The following SIK3 variants were observed in gnomAD, a reference collection of about 807,000 sequenced individuals.
The protein encoded by SIK3 is serine/threonine-protein kinase SIK3.
Under a neutral mutation model 144.2 loss-of-function variants are expected in SIK3, and 28 were observed. The ratio of observed to expected loss-of-function variants is 0.19; its 90% CI spans 0.14 to 0.27. The LOEUF (loss-of-function observed/expected upper bound fraction) is 0.27. Ranked by LOEUF, SIK3 falls within the 10% of genes least tolerant of loss-of-function variation. The probability of loss-of-function intolerance (pLI) is 1.00; values close to 1 mark genes in which losing one functional copy is unlikely to be tolerated. For missense variants in SIK3, 1,319 were observed against 1,776.0 expected (o/e 0.74, Z 4.62); for synonymous variants, 686 against 676.3 (o/e 1.01, Z -0.22).
chr11:117,019,544 G>A (rs1176707757), intron 1 of SIK3, among the ~76,000 whole-genome samples: 1 of 151,844 alleles, frequency 6.6e-6, no homozygotes, highest in Non-Finnish European at 1.5e-5. Context: ...AAACAGTCAC[G>A]GCTCATTAAC....
At chr11:116,976,778 G>C (rs913072747) in intron 1 of SIK3, among the ~76,000 whole-genome samples, 8 of 152,162 alleles carry the variant, frequency 5.3e-5, no homozygotes, top group African/African-American at 1.9e-4. Flanking sequence ...TGTGGTTTAG[G>C]AGAATTTTTT....
chr11:116,881,023 C>T (rs2134611073), intron 6 of SIK3, among the ~76,000 whole-genome samples: 1 of 152,258 alleles, frequency 6.6e-6, no homozygotes, highest in African/African-American at 2.4e-5. Flanking sequence ...ACCCGGGAGG[C>T]TGAGGTAGGA....
chr11:117,029,640 A>C (rs1004484108), intron 1 of SIK3, among the ~76,000 whole-genome samples: 2 of 152,262 alleles, frequency 1.3e-5, no homozygotes, highest in Non-Finnish European at 2.9e-5. Context: ...TTTTGGAAGC[A>C]GAATCTTAAA....
intron 14 of SIK3, among the ~76,000 whole-genome samples, chr11:116,868,637 G>A (rs1943784281): frequency 6.6e-6 from 1 of 152,158 alleles, no homozygotes; most frequent in Non-Finnish European, 1.5e-5. Flanking sequence ...CCTCTCGCTT[G>A]GTGACTATAA....
rs1943861098 is a variant in SIK3, at chr11:116,869,715, G to A, written c.1808+616C>T. ...AGGGCTAACGGAACTGAGGCCAAAT[G>A]AACAGTACAGCATGCCTGATGGTCA... On this transcript the variant is annotated intron_variant, in intron 14 of 24. Transcript: ENST00000445177. 4 of 162,498 alleles carry A rather than the reference G, an allele frequency of 2.5e-5. No individual in the cohort carries two copies. The South Asian group carries it at 6.7e-4, about 27-fold the overall frequency. 10.1% of individuals were successfully genotyped at this position (162,498 alleles called of 1,614,324 possible).
At chr11:117,052,773 T>C (rs1379113325) in intron 1 of SIK3, among the ~76,000 whole-genome samples, 3 of 152,204 alleles carry the variant, frequency 2.0e-5, no homozygotes, top group Admixed American at 6.5e-5. Flanking sequence ...GAAGCTTCAT[T>C]GTAATAGCAA....
intron 3 of SIK3, among the ~76,000 whole-genome samples, chr11:116,941,030 G>A (rs1359395716): frequency 6.6e-6 from 1 of 151,728 alleles, no homozygotes; most frequent in Non-Finnish European, 1.5e-5. Flanking sequence ...TTTTTGAGAC[G>A]GAGCCTCGCT....
At chr11:117,062,970 A>T (rs538072370) in intron 1 of SIK3, among the ~76,000 whole-genome samples, 2 of 152,332 alleles carry the variant, frequency 1.3e-5, no homozygotes, top group South Asian at 4.1e-4. Context: ...CCTTTTGCTG[A>T]AGTTGGAATA....
intron 1 of SIK3, among the ~76,000 whole-genome samples, chr11:116,971,439 T>G (rs1017985887): frequency 6.6e-6 from 1 of 152,258 alleles, no homozygotes; most frequent in Non-Finnish European, 1.5e-5. Flanking sequence ...AATTTTAGTT[T>G]GTTTTATATT....
chr11:116,978,020 C>T (rs997758670), intron 1 of SIK3, among the ~76,000 whole-genome samples: 6 of 152,134 alleles, frequency 3.9e-5, no homozygotes, highest in African/African-American at 1.2e-4. Context: ...AGATCGAGAC[C>T]GTCCTGGCTA....
At chr11:116,916,315 T>C (rs1021126071) in intron 4 of SIK3, among the ~76,000 whole-genome samples, 3 of 152,144 alleles carry the variant, frequency 2.0e-5, no homozygotes, top group Non-Finnish European at 1.5e-5. Context: ...AGAAAACTGA[T>C]ACAAATATTA....
intron 6 of SIK3, among the ~76,000 whole-genome samples, chr11:116,895,005 A>G (rs1377321438): frequency 6.6e-6 from 1 of 152,220 alleles, no homozygotes; most frequent in Non-Finnish European, 1.5e-5. Context: ...TTTCATCATA[A>G]AATTTGGAAA....
At position 116,858,653 on chromosome 11, in the gene SIK3, A is replaced by G; in HGVS notation, c.2812T>C (p.Leu938=). ...TGGTCCGAAAACAGATGGGGGTGTA[A>G]ATGCGCCTGGTCGTAGTTAGCAGGG... The part of the protein sequence containing the change: ...FSPANYDQAH[L]HPHLFSDQSR... Residue 938 remains leucine (L), a synonymous_variant, in exon 21 of 25, where the codon TTA becomes CTA. Coordinates refer to ENST00000445177, the MANE Select transcript of SIK3 (RefSeq NM_001366686.3). The surrounding 1 kb of genome is among the most constrained non-coding windows in gnomAD (Gnocchi z 5.4). The G allele has an allele frequency of 6.3e-7, 1 of 1,580,152 alleles. No individual in the cohort carries two copies. Among genetic ancestry groups the G allele is most frequent in the Non-Finnish European group, 8.6e-7 (1 of 1,162,818 alleles).
At chr11:117,058,434 C>T (rs771676076) in intron 1 of SIK3, among the ~76,000 whole-genome samples, 2 of 151,318 alleles carry the variant, frequency 1.3e-5, no homozygotes, top group Non-Finnish European at 2.9e-5. Context: ...GCAGGAGAAT[C>T]GCTTGAACCC....
chr11:116,984,455 T>C (rs139701184), intron 1 of SIK3, among the ~76,000 whole-genome samples: 1 of 152,290 alleles, frequency 6.6e-6, no homozygotes, highest in Non-Finnish European at 1.5e-5. Flanking sequence ...GTTTCCAGAT[T>C]CTTCATCCTA....
chr11:116,912,971 C>T (rs977907148), intron 4 of SIK3, among the ~76,000 whole-genome samples: 6 of 152,058 alleles, frequency 3.9e-5, no homozygotes, highest in African/African-American at 1.2e-4. Flanking sequence ...TGGAACATGA[C>T]GCTAATAAGG....
chr11:116,858,010 G>A lies in SIK3; in HGVS notation c.3455C>T (p.Ala1152Val), dbSNP rs748257156. 5.6e-6 allele frequency: 9 copies of A among 1,613,984 alleles called. No homozygotes were observed. The Admixed American group carries it at 1.2e-4, about 21-fold the overall frequency. Residue 1152 changes from alanine (A) to valine (V), a missense_variant, in exon 21 of 25, where the codon GCC becomes GTC. By Grantham distance (64) the Ala-to-Val change is moderately conservative. This residue lies in a region of SIK3 where 646 missense variants were observed against 763.7 expected (regional missense o/e 0.85). Coordinates refer to ENST00000445177, the MANE Select transcript of SIK3 (RefSeq NM_001366686.3). The surrounding 1 kb of genome is among the most constrained non-coding windows in gnomAD (Gnocchi z 5.4). Reference sequence around the variant, plus strand: ...CTTACTGTCTTGGAAGCCATCCTTGGCCCCCTCACACGAGCAGTCCTCCTC... The same window carrying A: ...CTTACTGTCTTGGAAGCCATCCTTGACCCCCTCACACGAGCAGTCCTCCTC... ...SMEEDCSCEG[A>V]KDGFQDSKSS...
intron 6 of SIK3, among the ~76,000 whole-genome samples, chr11:116,887,652 A>G (rs1944896827): frequency 6.6e-6 from 1 of 151,946 alleles, no homozygotes; most frequent in Non-Finnish European, 1.5e-5. Context: ...AAGATTCCAT[A>G]GTTAAGTAGT....
chr11:116,905,353 C>T (rs1382449583), intron 4 of SIK3, among the ~76,000 whole-genome samples: 1 of 152,222 alleles, frequency 6.6e-6, no homozygotes, highest in Non-Finnish European at 1.5e-5. Context: ...ATCCATTCAT[C>T]ATCTGTTGAA....
Sources: gnomAD v4.1 joint callset for allele counts (sites outside exome capture counted in the v4.1 genomes callset) on GRCh38, gnomAD v4.1.1 for gene constraint, gnomAD v4.1.1 regional missense constraint, Gnocchi (gnomAD v3.1) non-coding constraint, MANE v1.5 for transcripts, NCBI Gene and HGNC (gene_info 2026-07-23, HGNC 2026-07-21) for gene names.